The following SOS1 variants were observed in gnomAD, a reference collection of about 807,000 sequenced individuals.
The protein encoded by SOS1 is son of sevenless homolog 1.
In SOS1, 25 loss-of-function variants were observed where a neutral mutation model predicts 157.6. The ratio of observed to expected loss-of-function variants is 0.16; its 90% CI spans 0.12 to 0.22. SOS1 has a LOEUF of 0.22. SOS1 is among the 10% of genes least tolerant of loss of function. The pLI, the probability that SOS1 is intolerant of heterozygous loss-of-function variation, is 1.00. For synonymous variants in SOS1, 528 were observed against 534.0 expected, an observed-to-expected ratio of 0.99 and a Z score of 0.16; for missense variants, 1,237 against 1,599.1, an observed-to-expected ratio of 0.77 and a Z score of 3.86.
intron 1 of SOS1, among the ~76,000 whole-genome samples, chr2:39,077,791 T>C (rs1447756548): frequency 6.6e-6 from 1 of 152,162 alleles, no homozygotes; most frequent in East Asian, 1.9e-4. Context: ...ACATACCATA[T>C]ATAAAAACCA....
chr2:39,076,878 TA>T (rs1672023379), intron 1 of SOS1, among the ~76,000 whole-genome samples: 1 of 152,190 alleles, frequency 6.6e-6, no homozygotes, highest in Non-Finnish European at 1.5e-5. Flanking sequence ...CAAAAGAATC[TA>T]TAGAAAAATT....
intron 17 of SOS1, among the ~76,000 whole-genome samples, chr2:38,999,731 A>G (rs1353530954): frequency 1.3e-5 from 2 of 152,246 alleles, no homozygotes; most frequent in East Asian, 3.8e-4. Flanking sequence ...TGCATGCTCA[A>G]TGGCAGCCCA....
chr2:39,023,319 G>T, intron 9 of SOS1, 94 bp from the exon 10 acceptor site: 1 of 867,894 alleles, frequency 1.2e-6, no homozygotes, highest in Non-Finnish European at 1.8e-6. Context: ...ATTTTTACAA[G>T]TCTCACTGAG....
At chr2:39,120,293 TGG>T (rs748677642) in intron 1 of SOS1, 41 bp downstream of exon 1, 2 of 1,524,868 alleles carry the variant, frequency 1.3e-6, no homozygotes, top group Non-Finnish European at 1.8e-6. Flanking sequence ...GCGCCCGCGC[TGG>T]GGGGCTGCGG....
Position 39,051,123 on chromosome 2 carries a change from G to C in SOS1, c.864+21C>G, listed in dbSNP as rs1401501126. The C allele has an allele frequency of 5.6e-6, 9 of 1,611,150 alleles. No homozygotes were observed. The highest frequency in any genetic ancestry group is 6.8e-6 in the Non-Finnish European group (8 of 1,177,610). On this transcript the variant is annotated intron_variant, in intron 6 of 22. Transcript: ENST00000402219. Reference sequence around the variant, plus strand: ...GTAGGCTTTTATGCAGACTTTTCGGGTATATAATTGAAGTACTTACCTCTG... The same window carrying C: ...GTAGGCTTTTATGCAGACTTTTCGGCTATATAATTGAAGTACTTACCTCTG...
chr2:39,059,160 G>C lies in SOS1; in HGVS notation c.214-356C>G, dbSNP rs140306494. Reference sequence around the variant, plus strand: ...ATCAAGAAGTAAATATCTAAATCCAGTTCTCACTCACTTGTCCTTACTTTC... The same window carrying C: ...ATCAAGAAGTAAATATCTAAATCCACTTCTCACTCACTTGTCCTTACTTTC... On this transcript the variant is annotated intron_variant, in intron 2 of 22. Coordinates refer to ENST00000402219, the MANE Select transcript of SOS1 (RefSeq NM_005633.4). Among the ~76,000 whole-genome samples, 793 of 152,176 alleles carry C rather than the reference G, an allele frequency of 5.2e-3. 11 individuals are homozygous for C. Among genetic ancestry groups the C allele is most frequent in the African/African-American group, 0.018 (744 of 41,554 alleles).
chr2:39,068,153 G>C lies in SOS1; in HGVS notation c.88-400C>G, dbSNP rs546982836. ...AAGTGGGTTTGTATTTAAAAATGTG[G>C]TCTGGCTTGCAAATACAGATTTGAA... On this transcript the variant is annotated intron_variant, in intron 1 of 22. Coordinates refer to ENST00000402219, the MANE Select transcript of SOS1 (RefSeq NM_005633.4). Among the ~76,000 whole-genome samples the C allele has an allele frequency of 5.3e-5, 8 of 152,280 alleles. No individual in the cohort carries two copies. In the East Asian group the frequency reaches 1.4e-3, roughly 26 times the overall value.
chr2:39,035,331 A>T (rs779300462), intron 7 of SOS1, 21 bp from the exon 8 acceptor site: 55 of 1,558,888 alleles, frequency 3.5e-5, no homozygotes, highest in Middle Eastern at 1.7e-4. Flanking sequence ...AAGTGATTTA[A>T]TTTTTTTTTT....
At chr2:38,997,195 T>G in intron 18 of SOS1, 58 bp downstream of exon 18, 1 of 1,389,870 alleles carries the variant, frequency 7.2e-7, no homozygotes, top group South Asian at 1.2e-5. Flanking sequence ...AACCTGCCTT[T>G]TATTAAGTAG....
In SOS1 at chr2:38,987,509, T is replaced by G; in HGVS notation, c.3474A>C (p.Arg1158=). The G allele has an allele frequency of 6.2e-7, 1 of 1,601,440 alleles. No individual in the cohort carries two copies. The highest frequency in any genetic ancestry group is 8.5e-7 in the Non-Finnish European group (1 of 1,170,736). ...AAGATTCTGCTGGGGCAGATTCTGG[T>G]CGTCTTCGTGGAGGAACAGGAGGAG... ...PVPPPVPPRR[R]PESAPAESSP... is the part of the protein sequence containing the mutation. Residue 1158 remains arginine (R), a synonymous_variant, in exon 22 of 23, where the codon CGA becomes CGC. Transcript: ENST00000402219.
intron 6 of SOS1, among the ~76,000 whole-genome samples, chr2:39,042,975 T>C (rs913679457): frequency 2.0e-5 from 3 of 152,190 alleles, no homozygotes; most frequent in African/African-American, 7.2e-5. Context: ...TGACTACAAA[T>C]AGGACAACTT....
intron 10 of SOS1, among the ~76,000 whole-genome samples, chr2:39,022,168 T>G (rs192931974): frequency 1.4e-4 from 22 of 151,848 alleles, no homozygotes; most frequent in Admixed American, 7.2e-4. Context: ...ATATTTGTAC[T>G]ACCAGCACAA....
intron 17 of SOS1, among the ~76,000 whole-genome samples, chr2:39,001,807 G>A (rs1185124175): frequency 1.3e-5 from 2 of 152,176 alleles, no homozygotes; most frequent in Non-Finnish European, 2.9e-5. Flanking sequence ...GTCAGTTGTA[G>A]ATAAACTACC....
chr2:39,030,721 T>C (rs931180942), intron 8 of SOS1, among the ~76,000 whole-genome samples: 1 of 152,164 alleles, frequency 6.6e-6, no homozygotes, highest in East Asian at 1.9e-4. Context: ...CCATGAAAGA[T>C]GTATTCAAGT....
At chr2:39,059,326 T>C (rs1020928205) in intron 2 of SOS1, among the ~76,000 whole-genome samples, 4 of 152,204 alleles carry the variant, frequency 2.6e-5, no homozygotes, top group African/African-American at 9.6e-5. Context: ...TACATTGTAG[T>C]TTCTTTAAAG....
chr2:39,086,120 T>A (rs576381970), intron 1 of SOS1, among the ~76,000 whole-genome samples: 14 of 152,222 alleles, frequency 9.2e-5, no homozygotes, highest in Non-Finnish European at 2.1e-4. Context: ...TTGATGTTCT[T>A]GTTAAAGTAC....
At chr2:39,071,510 A>C (rs1385649293) in intron 1 of SOS1, among the ~76,000 whole-genome samples, 1 of 152,264 alleles carries the variant, frequency 6.6e-6, no homozygotes. Flanking sequence ...CCCAATGTTT[A>C]TAAGTTATAT....
intron 20 of SOS1, chr2:38,993,505 A>T (rs1668796133): frequency 6.6e-6 from 1 of 152,218 alleles, no homozygotes; most frequent in Non-Finnish European, 1.5e-5. Flanking sequence ...ACTACTGGGT[A>T]ACTACAGACG....
intron 8 of SOS1, among the ~76,000 whole-genome samples, chr2:39,034,300 A>G (rs985457161): frequency 2.6e-5 from 4 of 152,210 alleles, no homozygotes; most frequent in Non-Finnish European, 5.9e-5. Context: ...TACTGTTAAT[A>G]AATTCACAGA....
Sources: gnomAD v4.1 joint callset for allele counts (sites outside exome capture counted in the v4.1 genomes callset) on GRCh38, gnomAD v4.1.1 for gene constraint, MANE v1.5 for transcripts, NCBI Gene and HGNC (gene_info 2026-07-23, HGNC 2026-07-21) for gene names.